The following KCNH1 variants were observed in gnomAD, a reference collection of about 807,000 sequenced individuals.
KCNH1 encodes voltage-gated delayed rectifier potassium channel KCNH1.
Under a neutral mutation model 69.2 loss-of-function variants are expected in KCNH1, and 27 were observed. That is an observed-to-expected ratio of 0.39 (90% confidence interval 0.29 to 0.54). The LOEUF is 0.54. Ranked by LOEUF, KCNH1 falls within the 20% of genes least tolerant of loss-of-function variation. The pLI is 0.68. For synonymous variants in KCNH1, 456 were observed against 487.7 expected, an observed-to-expected ratio of 0.93 and a Z score of 0.86; for missense variants, 798 against 1,261.6, an observed-to-expected ratio of 0.63 and a Z score of 5.57.
intron 4 of KCNH1, among the ~76,000 whole-genome samples, chr1:211,088,886 G>T (rs1457253947): frequency 6.6e-6 from 1 of 152,160 alleles, no homozygotes; most frequent in Non-Finnish European, 1.5e-5. Context: ...CATCATTGAG[G>T]CAGGTTAAAT....
At chr1:210,935,120 T>TCACACACA (rs10588037) in intron 6 of KCNH1, among the ~76,000 whole-genome samples, 7 of 129,236 alleles carry the variant, frequency 5.4e-5, no homozygotes, top group African/African-American at 1.5e-4. Flanking sequence ...AAAGAAAATG[T>TCACACACA]CACACACACA....
chr1:210,892,437 C>T (rs1299979411), intron 7 of KCNH1, among the ~76,000 whole-genome samples: 1 of 152,090 alleles, frequency 6.6e-6, no homozygotes, highest in Non-Finnish European at 1.5e-5. Context: ...ATGCAAGCAA[C>T]AGCAAAGCCT....
intron 10 of KCNH1, among the ~76,000 whole-genome samples, chr1:210,715,950 C>T (rs967114189): frequency 1.3e-5 from 2 of 152,124 alleles, no homozygotes; most frequent in African/African-American, 4.8e-5. Flanking sequence ...ACATGCCACC[C>T]TGGCCTTAGG....
chr1:210,746,463 T>C lies in KCNH1; in HGVS notation c.2112+28885A>G, dbSNP rs549412999. Among the ~76,000 whole-genome samples the C allele has an allele frequency of 2.0e-5, 3 of 152,194 alleles. No homozygotes were observed. In the South Asian group the frequency reaches 6.2e-4, roughly 32 times the overall value. On this transcript the variant is annotated intron_variant, in intron 10 of 10. Coordinates refer to ENST00000271751, the MANE Select transcript of KCNH1 (RefSeq NM_172362.3). ...TCAAGTCCAGCCCTCTTTTAATCCA[T>C]CCCAGTGCCTCTCAAAGCCTCTCTT...
rs566734466 is a variant in KCNH1 at position 210,883,013 on chromosome 1, G to C, written c.1462+36627C>G. 3.9e-5 allele frequency among the ~76,000 whole-genome samples: 6 copies of C among 152,312 alleles called. No individual in the cohort carries two copies. In the East Asian group the frequency reaches 1.2e-3, roughly 29 times the overall value. The stretch of plus-strand genomic sequence containing the variant: ...GAAGAATGAGTAATAAGTTCCAGTA[G>C]CTGTGGTGGTGGTTATAATGAATAA... On this transcript the variant is annotated intron_variant, in intron 7 of 10. Transcript: ENST00000271751.
At chr1:210,899,624 C>T (rs896400692) in intron 7 of KCNH1, among the ~76,000 whole-genome samples, 1 of 152,140 alleles carries the variant, frequency 6.6e-6, no homozygotes, top group Non-Finnish European at 1.5e-5. Context: ...TATAAAAGAA[C>T]AATGGCAAAG....
At chr1:211,105,192 C>G (rs768983647) in intron 2 of KCNH1, among the ~76,000 whole-genome samples, 3 of 152,184 alleles carry the variant, frequency 2.0e-5, no homozygotes, top group Non-Finnish European at 4.4e-5. Context: ...GTTAAATTAT[C>G]TCTAGAAAGA....
chr1:210,856,789 A>ATATT (rs1558499107), intron 7 of KCNH1, among the ~76,000 whole-genome samples: 1 of 122,092 alleles, frequency 8.2e-6, no homozygotes, highest in African/African-American at 3.1e-5. Context: ...TTATATATAT[A>ATATT]TATATTTATA....
At chr1:210,991,619 A>G (rs1250361320) in intron 6 of KCNH1, among the ~76,000 whole-genome samples, 1 of 151,686 alleles carries the variant, frequency 6.6e-6, no homozygotes, top group Non-Finnish European at 1.5e-5. Context: ...ACACACACAC[A>G]CACACACACA....
At chr1:210,734,556 G>A (rs952082438) in intron 10 of KCNH1, among the ~76,000 whole-genome samples, 10 of 151,472 alleles carry the variant, frequency 6.6e-5, no homozygotes, top group African/African-American at 1.7e-4. Flanking sequence ...ATAATCCCCC[G>A]CCACCCCCCA....
At chr1:210,973,067 C>G (rs1688541304) in intron 6 of KCNH1, among the ~76,000 whole-genome samples, 1 of 152,010 alleles carries the variant, frequency 6.6e-6, no homozygotes, top group Non-Finnish European at 1.5e-5. Context: ...AATGACTCTT[C>G]CTCATTCTGT....
intron 9 of KCNH1, among the ~76,000 whole-genome samples, chr1:210,777,666 C>T (rs1395308502): frequency 6.6e-6 from 1 of 152,168 alleles, no homozygotes; most frequent in East Asian, 1.9e-4. Context: ...CCCTATACTG[C>T]CCACAATGGC....
chr1:210,788,685 CTTTTTTTTT>C lies in KCNH1; in HGVS notation c.1915+8814_1915+8822del, dbSNP rs139485350. On this transcript the variant is annotated intron_variant, in intron 9 of 10. Transcript: ENST00000271751. ...AGATTATTCATATTATAGCTTCTTTCTTTTTTTTTTTTTTTTTTTTTTTTTTTTTGAGAC... is the reference window on the plus strand; with the variant it reads ...AGATTATTCATATTATAGCTTCTTTCTTTTTTTTTTTTTTTTTTTTGAGAC... Among the ~76,000 whole-genome samples, 480 of 80,728 alleles carry C rather than the reference CTTTTTTTTT, an allele frequency of 5.9e-3. 6 individuals carry two copies. The highest frequency in any genetic ancestry group is 0.01 in the African/African-American group (203 of 20,200). The allele number at this position is 80,728 out of a possible 152,430, so 53.0% of individuals were successfully genotyped here.
chr1:211,002,889 A>G (rs1312345606), intron 6 of KCNH1, among the ~76,000 whole-genome samples: 1 of 152,196 alleles, frequency 6.6e-6, no homozygotes, highest in Non-Finnish European at 1.5e-5. Context: ...ATGTCAAGTT[A>G]TAAGGAGATA....
intron 5 of KCNH1, among the ~76,000 whole-genome samples, chr1:211,039,600 C>T (rs752540326): frequency 4.6e-5 from 7 of 152,186 alleles, no homozygotes; most frequent in Admixed American, 1.3e-4. Flanking sequence ...ACCATGGGAA[C>T]GTAACTCTTG....
chr1:210,842,434 A>AT (rs780438511), intron 7 of KCNH1, among the ~76,000 whole-genome samples: 2 of 152,190 alleles, frequency 1.3e-5, no homozygotes, highest in Non-Finnish European at 2.9e-5. Flanking sequence ...AATGGACTAG[A>AT]TAAAAAAATA....
chr1:211,051,998 TA>T (rs1690215879), intron 5 of KCNH1, among the ~76,000 whole-genome samples: 2 of 152,252 alleles, frequency 1.3e-5, no homozygotes, highest in African/African-American at 4.8e-5. Context: ...AGAAAATCCC[TA>T]AACCTGATTT....
rs560605028 is a variant in KCNH1, at chr1:210,791,807, C to T, written c.1915+5701G>A. On this transcript the variant is annotated intron_variant, in intron 9 of 10. Transcript: ENST00000271751. ...TGGTGATTGCTAAATAAATAGATGC[C>T]GCAGTAATATCCAAATAAGGTCAAT... Among the ~76,000 whole-genome samples the T allele has an allele frequency of 2.0e-4, 31 of 152,088 alleles. No homozygotes were observed. The South Asian group carries it at 4.4e-3, about 21-fold the overall frequency.
chr1:211,086,774 G>T (rs1690959791), intron 4 of KCNH1, among the ~76,000 whole-genome samples: 1 of 152,118 alleles, frequency 6.6e-6, no homozygotes, highest in African/African-American at 2.4e-5. Context: ...ACTCCTCTGA[G>T]AATAAGTCCA....
Sources: gnomAD v4.1 joint callset for allele counts (sites outside exome capture counted in the v4.1 genomes callset) on GRCh38, gnomAD v4.1.1 for gene constraint, MANE v1.5 for transcripts, NCBI Gene and HGNC (gene_info 2026-07-23, HGNC 2026-07-21) for gene names.